Variants in CIMIP2C observed in about 807,000 individuals in gnomAD.
CIMIP2C encodes UPF0573 protein C2orf70.
the CIMIP2C span, chr2:26,577,694 C>A: frequency 8.5e-7 from 1 of 1,174,310 alleles, no homozygotes; most frequent in Non-Finnish European, 1.3e-6. Context: ...CTGCTCTCGG[C>A]CAGGCATGCA....
chr2:26,566,894 A>AT, the CIMIP2C span, among the ~76,000 whole-genome samples: 13 of 152,044 alleles, frequency 8.6e-5, no homozygotes, highest in African/African-American at 3.1e-4. Context: ...TAATTTTTAT[A>AT]TTTTTTGTAG....
chr2:26,577,510 C>G, the CIMIP2C span: 19 of 1,612,296 alleles, frequency 1.2e-5, no homozygotes, highest in South Asian at 2.0e-4. Context: ...CTTGATTGAA[C>G]CATAGATGGT....
the CIMIP2C span, among the ~76,000 whole-genome samples, chr2:26,574,219 C>T: frequency 6.6e-6 from 1 of 152,184 alleles, no homozygotes; most frequent in Admixed American, 6.5e-5. Context: ...CAGATGGCCT[C>T]GAATGCCACG....
chr2:26,569,375 C>T, the CIMIP2C span, among the ~76,000 whole-genome samples: 13 of 152,064 alleles, frequency 8.5e-5, no homozygotes, highest in Admixed American at 3.3e-4. Flanking sequence ...GGCCCTGGCG[C>T]GGAGGGACTG....
chr2:26,574,441 T>A, the CIMIP2C span, among the ~76,000 whole-genome samples: 4 of 146,636 alleles, frequency 2.7e-5, no homozygotes, highest in South Asian at 4.3e-4. Flanking sequence ...CTTGGATGGC[T>A]AGGGGGAAAT....
At chr2:26,571,591 G>A in the CIMIP2C span, among the ~76,000 whole-genome samples, 2 of 152,170 alleles carry the variant, frequency 1.3e-5, no homozygotes, top group Admixed American at 6.5e-5. Context: ...ATAAATTAAT[G>A]TTTCATGCCA....
the CIMIP2C span, among the ~76,000 whole-genome samples, chr2:26,577,158 G>A: frequency 6.6e-6 from 1 of 152,352 alleles, no homozygotes; most frequent in Middle Eastern, 3.4e-3. Flanking sequence ...AGGAGAGGGG[G>A]GAGGAAACAC....
chr2:26,562,701 G>A, the CIMIP2C span: 2 of 1,558,040 alleles, frequency 1.3e-6, no homozygotes, highest in African/African-American at 2.7e-5. Context: ...GGCCGAGGGA[G>A]CGCCTCCTCC....
the CIMIP2C span, chr2:26,578,623 T>C: frequency 2.7e-6 from 1 of 375,536 alleles, no homozygotes; most frequent in East Asian, 7.5e-5. Flanking sequence ...GGGCTCTCTC[T>C]AATCTTGGAA....
At chr2:26,578,269 T>G in the CIMIP2C span, 1 of 162,208 alleles carries the variant, frequency 6.2e-6, no homozygotes. Context: ...CGAGGTGTCC[T>G]GGAGTGGGGT....
the CIMIP2C span, among the ~76,000 whole-genome samples, chr2:26,576,454 G>A: frequency 1.3e-5 from 2 of 152,174 alleles, no homozygotes; most frequent in Non-Finnish European, 2.9e-5. Flanking sequence ...GGGGTCTCTA[G>A]GGACCTGTCT....
the CIMIP2C span, chr2:26,576,163 G>T: frequency 6.2e-7 from 1 of 1,613,098 alleles, no homozygotes; most frequent in Non-Finnish European, 8.5e-7. Context: ...CAGAGCTTAC[G>T]AATTTCTACC....
chr2:26,579,441 CTT>C, the CIMIP2C span: 4 of 1,613,346 alleles, frequency 2.5e-6, no homozygotes, highest in African/African-American at 1.3e-5. Context: ...GAGCATGAGA[CTT>C]TTAGTTCAGA....
the CIMIP2C span, among the ~76,000 whole-genome samples, chr2:26,572,349 G>GTTT: frequency 1.4e-5 from 2 of 138,654 alleles, no homozygotes. Context: ...TACTGAGTTG[G>GTTT]TTTTTTTTTT....
At chr2:26,576,770 CTGT>C in the CIMIP2C span, among the ~76,000 whole-genome samples, 1 of 152,240 alleles carries the variant, frequency 6.6e-6, no homozygotes, top group South Asian at 2.1e-4. Flanking sequence ...ACCCACACCC[CTGT>C]TGTTCTTGTC....
the CIMIP2C span, chr2:26,575,939 G>T: frequency 6.2e-7 from 1 of 1,613,502 alleles, no homozygotes; most frequent in Non-Finnish European, 8.5e-7. Context: ...CTTCTCCTTT[G>T]GCGCTCCCTA....
the CIMIP2C span, chr2:26,572,239 A>G: frequency 5.3e-6 from 7 of 1,327,126 alleles, no homozygotes; most frequent in Non-Finnish European, 7.1e-6. Flanking sequence ...TAACATTTAC[A>G]TTCCATTCTG....
At chr2:26,562,642 G>A in the CIMIP2C span, 1 of 1,587,410 alleles carries the variant, frequency 6.3e-7, no homozygotes, top group South Asian at 1.1e-5. Flanking sequence ...GCACCCTACT[G>A]ACCGAGTTCA....
the CIMIP2C span, chr2:26,579,003 G>A: frequency 1.9e-6 from 1 of 517,714 alleles, no homozygotes; most frequent in South Asian, 1.8e-5. Context: ...AAGCTAAGAG[G>A]GGGATACCAC....
Sources: gnomAD v4.1 joint callset for allele counts (sites outside exome capture counted in the v4.1 genomes callset) on GRCh38, gnomAD v4.1.1 for gene constraint, MANE v1.5 for transcripts, NCBI Gene and HGNC (gene_info 2026-07-23, HGNC 2026-07-21) for gene names.